The following BABAM2 variants were observed in gnomAD, a reference collection of about 807,000 sequenced individuals.
BABAM2 encodes the protein BRISC and BRCA1-A complex member 2.
Under a neutral mutation model 54.7 loss-of-function variants are expected in BABAM2, and 31 were observed. The observed-to-expected ratio is 0.57, with a 90% CI of 0.43 to 0.77. BABAM2 has a LOEUF of 0.77. Among genes scored for constraint, BABAM2 ranks in the 30% least tolerant of loss-of-function variants. The pLI is 0.00. For synonymous variants in BABAM2, 167 were observed against 162.9 expected (o/e 1.03, Z -0.19); for missense variants, 364 against 455.8 (o/e 0.80, Z 1.83).
At position 28,329,711 on chromosome 2, in the gene BABAM2, G is replaced by A. The variant is rs1236537011; in HGVS notation, c.1089-8739G>A. Among the ~76,000 whole-genome samples the A allele has an allele frequency of 5.9e-5, 9 of 152,122 alleles. No homozygotes were observed. Among genetic ancestry groups the A allele is most frequent in the Admixed American group, 3.3e-4 (5 of 15,268 alleles). On this transcript the variant is annotated intron_variant, in intron 11 of 11. Coordinates refer to ENST00000379624, the MANE Select transcript of BABAM2 (RefSeq NM_199191.3). This position sits in a 1 kb window ranked among gnomAD's most constrained non-coding sequence, Gnocchi z 4.2. ...ATAAATAGCCTACCAACCAAAAAAA[G>A]CCCAGGACCAGATGAATTTACAGCT... is the stretch of plus-strand genomic sequence containing the variant.
chr2:28,177,879 G>GA (rs1395908035), intron 7 of BABAM2, among the ~76,000 whole-genome samples: 1 of 151,920 alleles, frequency 6.6e-6, no homozygotes, highest in Non-Finnish European at 1.5e-5. Context: ...CTTTAAGTGA[G>GA]AAACAGTAAG....
At chr2:27,906,105 C>T (rs375575015) in intron 2 of BABAM2, among the ~76,000 whole-genome samples, 7 of 152,224 alleles carry the variant, frequency 4.6e-5, no homozygotes, top group East Asian at 3.9e-4. Flanking sequence ...AGGGCATAAG[C>T]GGTGGGCTGT....
At chr2:28,041,222 C>A (rs547559076) in intron 5 of BABAM2, among the ~76,000 whole-genome samples, 1 of 152,088 alleles carries the variant, frequency 6.6e-6, no homozygotes, top group East Asian at 1.9e-4. Context: ...TATATACACA[C>A]CTCTGAGTTT....
intron 7 of BABAM2, among the ~76,000 whole-genome samples, chr2:28,214,043 T>G (rs188244030): frequency 2.2e-4 from 33 of 152,232 alleles, no homozygotes; most frequent in African/African-American, 7.7e-4. Flanking sequence ...GGCTCCCTCA[T>G]TGGTGATATT....
intron 2 of BABAM2, among the ~76,000 whole-genome samples, chr2:27,895,267 G>A (rs7606935): frequency 0.083 from 12,651 of 152,010 alleles, 837 homozygotes; most frequent in African/African-American, 0.18. Flanking sequence ...TTTGAATTTT[G>A]CCAGTCTTTC....
At chr2:28,202,878 A>G (rs762256266) in intron 7 of BABAM2, among the ~76,000 whole-genome samples, 49 of 152,290 alleles carry the variant, frequency 3.2e-4, no homozygotes, top group Middle Eastern at 3.4e-3. Flanking sequence ...ATCACGGGGA[A>G]TATTCCTCCC....
At chr2:27,950,812 T>C (rs916500324) in intron 3 of BABAM2, among the ~76,000 whole-genome samples, 1 of 152,198 alleles carries the variant, frequency 6.6e-6, no homozygotes, top group African/African-American at 2.4e-5. Flanking sequence ...AAGTACAAAT[T>C]AAATTTGCTT....
At chr2:28,140,760 G>A (rs80056248) in intron 7 of BABAM2, among the ~76,000 whole-genome samples, 3,604 of 152,026 alleles carry the variant, frequency 0.024, 62 homozygotes, top group Non-Finnish European at 0.037. Context: ...CACCTAACAC[G>A]TGTGTATAAA....
At chr2:28,269,734 C>T (rs752942494) in intron 10 of BABAM2, among the ~76,000 whole-genome samples, 3 of 152,166 alleles carry the variant, frequency 2.0e-5, no homozygotes, top group Non-Finnish European at 2.9e-5. Context: ...AGATTTACAG[C>T]TCCAGAGCCC....
At chr2:28,247,341 T>G (rs984598084) in intron 10 of BABAM2, among the ~76,000 whole-genome samples, 4 of 152,212 alleles carry the variant, frequency 2.6e-5, no homozygotes, top group Non-Finnish European at 5.9e-5. Flanking sequence ...CCATTTCCTT[T>G]TTTCTTATCT....
chr2:28,131,174 C>T (rs1338549666), intron 7 of BABAM2, among the ~76,000 whole-genome samples: 1 of 30,160 alleles, frequency 3.3e-5, no homozygotes, highest in African/African-American at 1.3e-4. Context: ...CTCCGCCTCC[C>T]GGGTTCACGC....
intron 10 of BABAM2, among the ~76,000 whole-genome samples, chr2:28,295,705 C>T (rs1371185318): frequency 6.6e-6 from 1 of 152,020 alleles, no homozygotes; most frequent in Non-Finnish European, 1.5e-5. Context: ...CCATGTTGGC[C>T]GGGCTGGTCT....
At chr2:27,975,813 AC>A (rs908764247) in intron 3 of BABAM2, among the ~76,000 whole-genome samples, 1 of 152,154 alleles carries the variant, frequency 6.6e-6, no homozygotes, top group African/African-American at 2.4e-5. Context: ...CTAACAGAGA[AC>A]AAATTTCAAG....
chr2:27,957,173 A>T (rs997438720), intron 3 of BABAM2, among the ~76,000 whole-genome samples: 4 of 152,196 alleles, frequency 2.6e-5, no homozygotes, highest in African/African-American at 9.7e-5. Context: ...TTTCTGCAAC[A>T]TTATCTCACT....
intron 7 of BABAM2, among the ~76,000 whole-genome samples, chr2:28,217,465 A>G (rs1461843364): frequency 6.6e-6 from 1 of 152,198 alleles, no homozygotes; most frequent in Non-Finnish European, 1.5e-5. Flanking sequence ...TGATTCTTTA[A>G]TTTTCACAGT....
intron 7 of BABAM2, among the ~76,000 whole-genome samples, chr2:28,185,834 T>A (rs905331352): frequency 6.6e-6 from 1 of 152,122 alleles, no homozygotes; most frequent in Admixed American, 6.6e-5. Context: ...CAAAGACCAC[T>A]GGGAGGCTAA....
At chr2:28,233,014 T>G (rs1035831108) in intron 7 of BABAM2, 2 of 314,776 alleles carry the variant, frequency 6.4e-6, no homozygotes, top group Admixed American at 4.8e-5. Flanking sequence ...CTCATCCTTC[T>G]AATTTATATC....
chr2:28,206,934 T>C (rs766258663), intron 7 of BABAM2, among the ~76,000 whole-genome samples: 4 of 152,226 alleles, frequency 2.6e-5, no homozygotes, highest in Non-Finnish European at 4.4e-5. Context: ...AAGAATAGCA[T>C]CTGACATTCT....
chr2:28,248,958 T>C (rs11127139), intron 10 of BABAM2, among the ~76,000 whole-genome samples: 134,363 of 152,148 alleles, frequency 0.88, 60,003 homozygotes, highest in East Asian at 1. Context: ...AACTCAGAGT[T>C]GACCTTAAGA....
Sources: allele counts gnomAD v4.1 joint callset (sites outside exome capture counted in the v4.1 genomes callset), GRCh38; gene constraint gnomAD v4.1.1; non-coding constraint Gnocchi (gnomAD v3.1); transcripts MANE v1.5; gene names NCBI Gene and HGNC (gene_info 2026-07-23, HGNC 2026-07-21).